KIAA0825: variants seen among roughly 807,000 people sequenced by gnomAD.
KIAA0825 encodes uncharacterized protein KIAA0825.
KIAA0825 carries 119 observed loss-of-function variants against 147.6 expected under a neutral mutation model. The observed-to-expected ratio is 0.81, with a 90% CI of 0.69 to 0.94. KIAA0825 has a LOEUF of 0.94. KIAA0825 is among the 40% of genes least tolerant of loss of function. The pLI is 0.00. For missense variants in KIAA0825, 1,381 were observed against 1,472.7 expected, an observed-to-expected ratio of 0.94 and a Z score of 1.02; for synonymous variants, 470 against 518.1, an observed-to-expected ratio of 0.91 and a Z score of 1.26.
chr5:94,386,189 T>C lies in KIAA0825; in HGVS notation c.3619+53A>G. 2.0e-6 allele frequency: 3 copies of C among 1,491,528 alleles called. No individual in the cohort carries two copies. The South Asian group carries it at 3.9e-5, about 20-fold the overall frequency. The allele number at this position is 1,491,528 out of a possible 1,614,324, so 92.4% of individuals were successfully genotyped here. On this transcript the variant is annotated intron_variant, in intron 19 of 20. Transcript: ENST00000682413. ...ACTCAAACACAAAGCAATTTTTTCT[T>C]ACTTGGGTAAAGAAACCACACATTT...
At chr5:94,461,047 G>T (rs1413639345) in intron 12 of KIAA0825, among the ~76,000 whole-genome samples, 1 of 151,934 alleles carries the variant, frequency 6.6e-6, no homozygotes, top group East Asian at 1.9e-4. Flanking sequence ...AGGTTACAGT[G>T]CAATATCTAA....
At chr5:94,412,575 A>AT (rs1752909676) in intron 15 of KIAA0825, among the ~76,000 whole-genome samples, 2 of 151,520 alleles carry the variant, frequency 1.3e-5, no homozygotes, top group Non-Finnish European at 2.9e-5. Context: ...TAATTTTTGT[A>AT]TTTTTAGTAG....
intron 15 of KIAA0825, chr5:94,415,406 T>A (rs1753319436): frequency 6.6e-6 from 1 of 152,144 alleles, no homozygotes; most frequent in Non-Finnish European, 1.5e-5. Context: ...GTTTCCAAAT[T>A]AAACAAAAGT....
chr5:94,386,497 A>G (rs1749158561), intron 18 of KIAA0825, 93 bp from the exon 19 acceptor site: 4 of 1,050,508 alleles, frequency 3.8e-6, no homozygotes, highest in Admixed American at 4.9e-5. Flanking sequence ...TCCTTTCAGC[A>G]CATTTGCTAG....
chr5:94,292,898 T>C (rs1409816478), intron 20 of KIAA0825, among the ~76,000 whole-genome samples: 2 of 152,352 alleles, frequency 1.3e-5, no homozygotes, highest in East Asian at 3.9e-4. Context: ...TTTATTTGCA[T>C]AGAGGTGTTT....
chr5:94,529,244 A>ATATATATGTATATAT lies in KIAA0825; in HGVS notation c.132-5147_132-5146insATATATACATATATA, dbSNP rs1561267886. Reference sequence around the variant, plus strand: ...GTATGTATCATATATATGTATATATACATATATATGTATATATCATATATA... The same window carrying ATATATATGTATATAT: ...GTATGTATCATATATATGTATATATATATATATGTATATATCATATATATGTATATATCATATATA... On this transcript the variant is annotated intron_variant, in intron 3 of 20. Coordinates refer to ENST00000682413, the MANE Select transcript of KIAA0825 (RefSeq NM_001145678.3). 6.5e-4 allele frequency among the ~76,000 whole-genome samples: 80 copies of ATATATATGTATATAT among 123,180 alleles called. 5 individuals carry two copies. The highest frequency in any genetic ancestry group is 1.1e-3 in the African/African-American group (30 of 27,156). The allele number at this position is 123,180 out of a possible 152,430, so 80.8% of individuals were successfully genotyped here.
chr5:94,171,323 T>C (rs1283364080), intron 20 of KIAA0825, among the ~76,000 whole-genome samples: 1 of 152,144 alleles, frequency 6.6e-6, no homozygotes, highest in Non-Finnish European at 1.5e-5. Flanking sequence ...TCCACCATGA[T>C]TGTGAGGCCT....
chr5:94,513,462 G>C (rs1335700223), intron 5 of KIAA0825, among the ~76,000 whole-genome samples: 1 of 152,136 alleles, frequency 6.6e-6, no homozygotes, highest in East Asian at 1.9e-4. Flanking sequence ...TGTGTTCTAA[G>C]AAGGGAGAAG....
rs535058895 is a variant in KIAA0825 at position 94,164,960 on chromosome 5, C to A, written c.3711-10836G>T. 2.0e-5 allele frequency among the ~76,000 whole-genome samples: 3 copies of A among 152,126 alleles called. No individual in the cohort carries two copies. In the South Asian group the frequency reaches 6.2e-4, roughly 32 times the overall value. The stretch of plus-strand genomic sequence containing the variant: ...AGGACATTAGTCTGGCTAAAGATTT[C>A]TTGAACAATACCCCACAAGCACAGG... On this transcript the variant is annotated intron_variant, in intron 20 of 20. Coordinates refer to ENST00000682413, the MANE Select transcript of KIAA0825 (RefSeq NM_001145678.3).
chr5:94,607,673 T>C (rs1312085133), intron 1 of KIAA0825, among the ~76,000 whole-genome samples: 1 of 152,178 alleles, frequency 6.6e-6, no homozygotes, highest in African/African-American at 2.4e-5. Flanking sequence ...ATTGCTGCTA[T>C]AATAAATCAC....
At position 94,475,746 on chromosome 5, in the gene KIAA0825, T is replaced by C. The variant is rs375876104; in HGVS notation, c.1227+1365A>G. On this transcript the variant is annotated intron_variant, in intron 7 of 20. Transcript: ENST00000682413. Reference sequence around the variant, plus strand: ...ATCGCTTGAACTTGGGAGGCGGAGATTGCAGTGAGCTGAGATTGCACCACT... The same window carrying C: ...ATCGCTTGAACTTGGGAGGCGGAGACTGCAGTGAGCTGAGATTGCACCACT... Among the ~76,000 whole-genome samples the C allele has an allele frequency of 5.9e-4, 90 of 152,154 alleles. 1 individual carries two copies. In the South Asian group the frequency reaches 0.017, roughly 29 times the overall value.
At chr5:94,363,422 A>T (rs1265147810) in intron 20 of KIAA0825, among the ~76,000 whole-genome samples, 1 of 151,786 alleles carries the variant, frequency 6.6e-6, no homozygotes, top group Admixed American at 6.6e-5. Context: ...GAATGAGGAC[A>T]ATGTTAAGGT....
In KIAA0825 at chr5:94,152,821, GAAAAAAAAAA is replaced by G. The variant is rs1179311015; in HGVS notation, c.*1176_*1185del. The G allele has an allele frequency of 0.01, 20 of 2,000 alleles. No individual in the cohort carries two copies. Among genetic ancestry groups the G allele is most frequent in the Admixed American group, 0.05 (3 of 60 alleles). The allele number at this position is 2,000 out of a possible 1,614,324, so 0.1% of individuals were successfully genotyped here. A position where few individuals can be genotyped will look rare whatever the true frequency, so the allele number is the denominator to read the frequency against. On this transcript the variant is annotated 3_prime_UTR_variant, in exon 21 of 21. Transcript: ENST00000682413. ...CAGAGCAAGACCCTGTTTCTAAAAT[GAAAAAAAAAA>G]AAAAAAAAAAAAAAAAAAAAAAAAT... is the stretch of plus-strand genomic sequence containing the variant.
chr5:94,385,139 T>C (rs374695801), intron 19 of KIAA0825, among the ~76,000 whole-genome samples: 11 of 152,330 alleles, frequency 7.2e-5, no homozygotes, highest in African/African-American at 2.6e-4. Flanking sequence ...TAATTATTTA[T>C]GGTTTGGAGC....
At chr5:94,412,520 G>A (rs1391817183) in intron 15 of KIAA0825, among the ~76,000 whole-genome samples, 2 of 151,132 alleles carry the variant, frequency 1.3e-5, no homozygotes, top group African/African-American at 4.9e-5. Flanking sequence ...CATGCCTCAG[G>A]CTCCCGAGTA....
intron 1 of KIAA0825, among the ~76,000 whole-genome samples, chr5:94,600,702 T>C (rs555726078): frequency 2.4e-4 from 36 of 152,306 alleles, no homozygotes; most frequent in Admixed American, 1.8e-3. Flanking sequence ...TTGAGGCTGC[T>C]TGGACAACTC....
chr5:94,501,701 T>C (rs1359566085), intron 5 of KIAA0825, among the ~76,000 whole-genome samples: 2 of 152,248 alleles, frequency 1.3e-5, no homozygotes, highest in Non-Finnish European at 2.9e-5. Context: ...TGAATGTATC[T>C]AGATATTCAT....
In KIAA0825 at chr5:94,400,981, AT is replaced by A. The variant is rs571097397; in HGVS notation, c.2887+2587del. Among the ~76,000 whole-genome samples, 14 of 151,784 alleles carry A rather than the reference AT, an allele frequency of 9.2e-5. No homozygotes were observed. In the South Asian group the frequency reaches 1.2e-3, roughly 14 times the overall value. ...GACTATTTGTCTTTTAGTAAGTTAGATTTTTTTTTAAAGACCTTTAAACATT... is the reference window on the plus strand; with the variant it reads ...GACTATTTGTCTTTTAGTAAGTTAGATTTTTTTTAAAGACCTTTAAACATT... On this transcript the variant is annotated intron_variant, in intron 16 of 20. Transcript: ENST00000682413.
At chr5:94,346,141 T>C (rs1782960674) in intron 20 of KIAA0825, among the ~76,000 whole-genome samples, 2 of 152,134 alleles carry the variant, frequency 1.3e-5, no homozygotes, top group South Asian at 4.1e-4. Context: ...GAGGCAGAAA[T>C]TGGGATAAGA....
Sources: allele counts gnomAD v4.1 joint callset (sites outside exome capture counted in the v4.1 genomes callset), GRCh38; gene constraint gnomAD v4.1.1; transcripts MANE v1.5; gene names NCBI Gene and HGNC (gene_info 2026-07-23, HGNC 2026-07-21).